Variants in CLNK observed in about 807,000 individuals in gnomAD.
The protein encoded by CLNK is cytokine-dependent hematopoietic cell linker.
In CLNK, 74 loss-of-function variants were observed where a neutral mutation model predicts 68.6. That is an observed-to-expected ratio of 1.08 (90% CI 0.89 to 1.31). The LOEUF (loss-of-function observed/expected upper bound fraction) is 1.31, where lower values mean the gene tolerates loss of function less well. Ranked by LOEUF, CLNK falls within the 50% of genes most tolerant of loss-of-function variation. CLNK has a pLI of 0.00. For missense variants in CLNK, 553 were observed against 515.3 expected, an observed-to-expected ratio of 1.07 and a Z score of -0.71; for synonymous variants, 198 against 172.2, an observed-to-expected ratio of 1.15 and a Z score of -1.17.
chr4:10,584,907 G>A lies in CLNK; in HGVS notation c.112+20C>T, dbSNP rs984348767. 1.2e-6 allele frequency: 2 copies of A among 1,612,936 alleles called. No individual in the cohort carries two copies. Among genetic ancestry groups the A allele is most frequent in the African/African-American group, 2.7e-5 (2 of 74,894 alleles). ...ATGCTGACATTCCCACCACTTAGGTGACAGAGAGCCCCGACTCACCTGTGG... is the reference window on the plus strand; with the variant it reads ...ATGCTGACATTCCCACCACTTAGGTAACAGAGAGCCCCGACTCACCTGTGG... On this transcript the variant is annotated intron_variant, in intron 4 of 18. Transcript: ENST00000226951.
chr4:10,545,397 AATT>A lies in CLNK; in HGVS notation c.446-3120_446-3118del, dbSNP rs1719186454. Among the ~76,000 whole-genome samples, 4 of 152,196 alleles carry A rather than the reference AATT, an allele frequency of 2.6e-5. No individual in the cohort carries two copies. The South Asian group carries it at 8.3e-4, about 32-fold the overall frequency. On this transcript the variant is annotated intron_variant, in intron 8 of 18. Transcript: ENST00000226951. ...AATTTGGGTCCTAAGGTTCCAGAAT[AATT>A]TTTTTTTGATTCCACGTCTGGCATT... is the stretch of plus-strand genomic sequence containing the variant.
the CLNK span, among the ~76,000 whole-genome samples, chr4:10,705,350 A>G: frequency 6.6e-6 from 1 of 152,352 alleles, no homozygotes; most frequent in East Asian, 1.9e-4. Flanking sequence ...TGCTGCTATA[A>G]CAAATTGCCA....
chr4:10,726,497 A>G, the CLNK span, among the ~76,000 whole-genome samples: 653 of 152,282 alleles, frequency 4.3e-3, 11 homozygotes, highest in African/African-American at 0.014. Flanking sequence ...AACCCACTCC[A>G]GTATGCCCTC....
At chr4:10,654,034 T>C (rs1424652834) in intron 2 of CLNK, among the ~76,000 whole-genome samples, 1 of 144,472 alleles carries the variant, frequency 6.9e-6, no homozygotes. Context: ...AGGTCCAACG[T>C]ATTCCCCATT....
chr4:10,707,665 G>A, the CLNK span, among the ~76,000 whole-genome samples: 11 of 152,162 alleles, frequency 7.2e-5, no homozygotes, highest in African/African-American at 2.4e-4. Flanking sequence ...CCTGGGCCAT[G>A]GTCACCCATA....
At chr4:10,573,947 C>T (rs1720449888) in intron 4 of CLNK, among the ~76,000 whole-genome samples, 1 of 152,156 alleles carries the variant, frequency 6.6e-6, no homozygotes, top group South Asian at 2.1e-4. Flanking sequence ...CTACTCCAGG[C>T]CACATCAATC....
upstream of CLNK, among the ~76,000 whole-genome samples, chr4:10,687,772 A>G (rs1326469222): frequency 1.3e-5 from 2 of 152,190 alleles, no homozygotes; most frequent in African/African-American, 4.8e-5. Flanking sequence ...CCTGTCTCAC[A>G]TTCCACAGTT....
intron 16 of CLNK, among the ~76,000 whole-genome samples, chr4:10,512,810 G>T (rs1717649446): frequency 6.6e-6 from 1 of 151,168 alleles, no homozygotes; most frequent in Admixed American, 6.6e-5. Context: ...GTGATGGAGA[G>T]AAAGCATACA....
At chr4:10,581,869 A>G (rs1263605812) in intron 4 of CLNK, among the ~76,000 whole-genome samples, 3 of 152,124 alleles carry the variant, frequency 2.0e-5, no homozygotes, top group Admixed American at 6.5e-5. Flanking sequence ...CAGTCTGGAT[A>G]GTTTTCTTCT....
chr4:10,603,098 C>T (rs911945166), intron 2 of CLNK, among the ~76,000 whole-genome samples: 1 of 152,170 alleles, frequency 6.6e-6, no homozygotes, highest in Admixed American at 6.5e-5. Flanking sequence ...GAAAGAATTG[C>T]CATTTCTTCT....
the CLNK span, among the ~76,000 whole-genome samples, chr4:10,706,775 C>T: frequency 1.5e-3 from 234 of 152,214 alleles, no homozygotes; most frequent in African/African-American, 5.3e-3. Flanking sequence ...GCCACCCTGC[C>T]TTGCCTTTCC....
intron 1 of CLNK, among the ~76,000 whole-genome samples, chr4:10,673,952 T>C (rs1034249067): frequency 7.9e-5 from 12 of 152,204 alleles, no homozygotes; most frequent in African/African-American, 2.9e-4. Flanking sequence ...ATTCACTTTC[T>C]GTAGCAATTA....
In CLNK at chr4:10,571,742, C is replaced by T. The variant is rs750568509; in HGVS notation, c.149G>A (p.Trp50Ter). The T allele has an allele frequency of 1.9e-6, 3 of 1,611,944 alleles. No homozygotes were observed. Among genetic ancestry groups the T allele is most frequent in the East Asian group, 2.2e-5 (1 of 44,866 alleles). The change falls in exon 5 of 19, where the codon TGG (tryptophan) becomes TAG (stop). Residue 50 changes from tryptophan to a stop codon, truncating the protein, a stop_gained and splice_region_variant. Coordinates refer to ENST00000226951, the MANE Select transcript of CLNK (RefSeq NM_052964.4). LOFTEE classifies it high-confidence loss of function. Reference sequence around the variant, plus strand: ...AGATAAGGGAAGCAGCTGACTTACCCAGTCTAGAAGAGGCTTGTTCATCCT... The same window carrying T: ...AGATAAGGGAAGCAGCTGACTTACCTAGTCTAGAAGAGGCTTGTTCATCCT... ...YQRMNKPLLD[W>*]ERNFAAVLDG...
At chr4:10,728,563 T>A in the CLNK span, among the ~76,000 whole-genome samples, 2 of 151,240 alleles carry the variant, frequency 1.3e-5, no homozygotes, top group South Asian at 4.2e-4. Context: ...TGGTCACTGA[T>A]CTGTGTGTGA....
At chr4:10,550,948 G>C (rs1412445082) in intron 8 of CLNK, among the ~76,000 whole-genome samples, 1 of 152,194 alleles carries the variant, frequency 6.6e-6, no homozygotes, top group Non-Finnish European at 1.5e-5. Flanking sequence ...AGCGAATCTG[G>C]TGGGCGAGAT....
At chr4:10,651,939 G>C (rs185749015) in intron 2 of CLNK, among the ~76,000 whole-genome samples, 223 of 149,578 alleles carry the variant, frequency 1.5e-3, no homozygotes, top group Non-Finnish European at 2.0e-3. Context: ...AATGGAGTTA[G>C]AAAAATACAC....
the CLNK span, among the ~76,000 whole-genome samples, chr4:10,695,929 C>T: frequency 6.6e-6 from 1 of 150,966 alleles, no homozygotes; most frequent in African/African-American, 2.4e-5. Flanking sequence ...GATCTTTGCT[C>T]ACTGCAACCT....
chr4:10,608,728 G>T (rs971161876), intron 2 of CLNK, among the ~76,000 whole-genome samples: 4 of 152,168 alleles, frequency 2.6e-5, no homozygotes, highest in Non-Finnish European at 5.9e-5. Flanking sequence ...GTGGGCTGGG[G>T]ATTGCATTAG....
chr4:10,694,129 T>C, the CLNK span, among the ~76,000 whole-genome samples: 1 of 151,818 alleles, frequency 6.6e-6, no homozygotes, highest in East Asian at 1.9e-4. Flanking sequence ...CTGAGGATCC[T>C]ACAATTGCCA....
Sources: allele counts gnomAD v4.1 joint callset (sites outside exome capture counted in the v4.1 genomes callset), GRCh38; gene constraint gnomAD v4.1.1; transcripts MANE v1.5; gene names NCBI Gene and HGNC (gene_info 2026-07-23, HGNC 2026-07-21).